Variants in NR2F1-AS1 observed in about 807,000 individuals in gnomAD.
NR2F1-AS1 encodes the protein NR2F1 antisense RNA 1.
intron 4 of NR2F1-AS1, among the ~76,000 whole-genome samples, chr5:93,464,421 T>C (rs1750175225): frequency 6.6e-6 from 1 of 152,154 alleles, no homozygotes; most frequent in African/African-American, 2.4e-5. Flanking sequence ...TACTAGAAAA[T>C]TAGAAAATGT....
chr5:93,449,117 C>T (rs574604859), intron 4 of NR2F1-AS1, among the ~76,000 whole-genome samples: 2 of 152,076 alleles, frequency 1.3e-5, no homozygotes, highest in East Asian at 1.9e-4. Flanking sequence ...AGAAATTGTA[C>T]ACTCTAAAAT....
intron 2 of NR2F1-AS1, among the ~76,000 whole-genome samples, chr5:93,558,242 A>T (rs781642664): frequency 6.6e-6 from 1 of 152,212 alleles, no homozygotes; most frequent in Non-Finnish European, 1.5e-5. Flanking sequence ...CTTTGCTAGA[A>T]GACTTTCAAT....
chr5:93,474,820 G>T (rs191126598), intron 4 of NR2F1-AS1, among the ~76,000 whole-genome samples: 1 of 152,280 alleles, frequency 6.6e-6, no homozygotes, highest in East Asian at 1.9e-4. Flanking sequence ...TAGACATTCA[G>T]TCTATAGCAA....
Position 93,510,656 on chromosome 5 carries a change from A to G in NR2F1-AS1, n.638+43105T>C, listed in dbSNP as rs1240444197. Among the ~76,000 whole-genome samples, 7 of 152,144 alleles carry G rather than the reference A, an allele frequency of 4.6e-5. No homozygotes were observed. The East Asian group carries it at 1.3e-3, about 29-fold the overall frequency. On this transcript the variant is annotated intron_variant and non_coding_transcript_variant, in intron 4 of 5. Coordinates refer to ENST00000660523, the Ensembl canonical transcript of NR2F1-AS1. ...TGGAGAGAAAACTGATTCTCTATAT[A>G]AGTTGCATCTTTGCTCACATTAATG...
chr5:93,525,549 A>C (rs989636992), intron 4 of NR2F1-AS1, among the ~76,000 whole-genome samples: 1 of 152,210 alleles, frequency 6.6e-6, no homozygotes, highest in Admixed American at 6.5e-5. Flanking sequence ...AAATCAACGG[A>C]ATATACCTTC....
chr5:93,493,600 C>T (rs1460709659), intron 4 of NR2F1-AS1, among the ~76,000 whole-genome samples: 1 of 151,946 alleles, frequency 6.6e-6, no homozygotes, highest in East Asian at 1.9e-4. Context: ...TCAAAACTTA[C>T]TACATAGCTA....
At chr5:93,485,453 T>G (rs541280801) in intron 4 of NR2F1-AS1, among the ~76,000 whole-genome samples, 27 of 151,750 alleles carry the variant, frequency 1.8e-4, no homozygotes, top group Non-Finnish European at 1.0e-4. Flanking sequence ...TGGGACACAG[T>G]TGAAGCAGTG....
chr5:93,412,570 T>G (rs1025863760), intron 4 of NR2F1-AS1, among the ~76,000 whole-genome samples: 8 of 152,238 alleles, frequency 5.3e-5, no homozygotes, highest in African/African-American at 1.7e-4. Flanking sequence ...TCCGTTTTCC[T>G]AGTTCCAAAC....
chr5:93,502,196 G>C (rs1284052676), intron 4 of NR2F1-AS1, among the ~76,000 whole-genome samples: 3 of 152,180 alleles, frequency 2.0e-5, no homozygotes, highest in African/African-American at 7.2e-5. Flanking sequence ...AAATGTGTGA[G>C]ACTCACTTTA....
intron 4 of NR2F1-AS1, among the ~76,000 whole-genome samples, chr5:93,505,670 C>T (rs190026474): frequency 6.6e-6 from 1 of 152,346 alleles, no homozygotes; most frequent in East Asian, 1.9e-4. Context: ...AAGCCACAGC[C>T]CAAGCTTTAC....
rs1445154115 is a variant in NR2F1-AS1, at chr5:93,502,786, C to T, written n.638+50975G>A. Among the ~76,000 whole-genome samples the T allele has an allele frequency of 2.0e-5, 3 of 152,060 alleles. No homozygotes were observed. The East Asian group carries it at 5.8e-4, about 29-fold the overall frequency. The stretch of plus-strand genomic sequence containing the variant: ...CCCATGGTATGATGGTAATCCCATG[C>T]CAGATAAGAAATAGCTGCTAGTAAG... On this transcript the variant is annotated intron_variant and non_coding_transcript_variant, in intron 4 of 5. Transcript: ENST00000660523.
At chr5:93,456,731 C>T (rs1413638408) in intron 4 of NR2F1-AS1, among the ~76,000 whole-genome samples, 1 of 151,718 alleles carries the variant, frequency 6.6e-6, no homozygotes, top group East Asian at 1.9e-4. Flanking sequence ...GGACCCACGC[C>T]GGCACCGGTC....
chr5:93,529,652 C>T (rs1751693173), intron 4 of NR2F1-AS1, among the ~76,000 whole-genome samples: 1 of 151,968 alleles, frequency 6.6e-6, no homozygotes, highest in Non-Finnish European at 1.5e-5. Context: ...ATCCAGGTTT[C>T]CTTGTTCTCA....
intron 4 of NR2F1-AS1, among the ~76,000 whole-genome samples, chr5:93,533,764 G>C (rs1441303872): frequency 5.9e-5 from 9 of 152,124 alleles, no homozygotes; most frequent in Non-Finnish European, 1.5e-5. Context: ...AAAGAGGTTA[G>C]GATATATCTC....
intron 4 of NR2F1-AS1, among the ~76,000 whole-genome samples, chr5:93,487,447 C>A: frequency 6.6e-6 from 1 of 152,130 alleles, no homozygotes; most frequent in East Asian, 1.9e-4. Flanking sequence ...TTCCTATACA[C>A]CAATAATAGA....
intron 4 of NR2F1-AS1, among the ~76,000 whole-genome samples, chr5:93,475,268 T>C (rs1750458370): frequency 6.6e-6 from 1 of 152,250 alleles, no homozygotes; most frequent in East Asian, 1.9e-4. Flanking sequence ...GCTATGGACC[T>C]GCACAAAATA....
chr5:93,430,260 T>C (rs1487816613), intron 4 of NR2F1-AS1, among the ~76,000 whole-genome samples: 5 of 152,216 alleles, frequency 3.3e-5, no homozygotes, highest in African/African-American at 1.2e-4. Flanking sequence ...AGTTATTGCA[T>C]ATTCATAACC....
intron 4 of NR2F1-AS1, among the ~76,000 whole-genome samples, chr5:93,507,830 A>G (rs1751218481): frequency 6.6e-6 from 1 of 152,212 alleles, no homozygotes; most frequent in African/African-American, 2.4e-5. Flanking sequence ...ATTCCTACAC[A>G]GAGGCAATAT....
chr5:93,578,118 G>A (rs1752936755), intron 1 of NR2F1-AS1, among the ~76,000 whole-genome samples: 4 of 152,184 alleles, frequency 2.6e-5, no homozygotes. Flanking sequence ...AGATATGGAG[G>A]GAGAGGATAT....
Sources: gnomAD v4.1 joint callset for allele counts (sites outside exome capture counted in the v4.1 genomes callset) on GRCh38, gnomAD v4.1.1 for gene constraint, MANE v1.5 for transcripts, NCBI Gene and HGNC (gene_info 2026-07-23, HGNC 2026-07-21) for gene names.